The following PTCHD4 variants were observed in gnomAD, a reference collection of about 807,000 sequenced individuals.
PTCHD4 encodes the protein patched domain-containing protein 4.
PTCHD4 carries 33 observed loss-of-function variants against 58.1 expected under a neutral mutation model. The ratio of observed to expected loss-of-function variants is 0.57; its 90% confidence interval spans 0.43 to 0.76. The LOEUF (loss-of-function observed/expected upper bound fraction) is 0.76. PTCHD4 is among the 30% of genes least tolerant of loss of function. The probability of loss-of-function intolerance (pLI) is 0.00; values close to 1 mark genes in which losing one functional copy is unlikely to be tolerated. For missense variants in PTCHD4, 1,058 were observed against 1,027.1 expected (o/e 1.03, Z -0.41); for synonymous variants, 478 against 409.6 (o/e 1.17, Z -2.02).
intron 4 of PTCHD4, chr6:47,899,937 A>G (rs1345640473): frequency 6.6e-6 from 1 of 152,216 alleles, no homozygotes; most frequent in South Asian, 2.1e-4. Context: ...TTCAATGCTC[A>G]TCCATATTGG....
intron 4 of PTCHD4, among the ~76,000 whole-genome samples, chr6:47,885,857 C>T (rs1764175747): frequency 1.3e-5 from 2 of 152,062 alleles, no homozygotes; most frequent in South Asian, 2.1e-4. Flanking sequence ...CTCACTCTTT[C>T]ACCCAGGCCA....
chr6:47,965,676 T>C (rs549110935), intron 4 of PTCHD4, among the ~76,000 whole-genome samples: 33 of 152,208 alleles, frequency 2.2e-4, no homozygotes, highest in South Asian at 2.1e-4. Flanking sequence ...CACCTGTAAT[T>C]CCAGCACTTT....
chr6:48,034,185 A>T (rs1215288839), intron 3 of PTCHD4, among the ~76,000 whole-genome samples: 1 of 152,136 alleles, frequency 6.6e-6, no homozygotes. Flanking sequence ...GTTTGGGTAT[A>T]CTGTAAGCTT....
At chr6:47,903,132 T>C (rs910255336) in intron 4 of PTCHD4, among the ~76,000 whole-genome samples, 1 of 152,212 alleles carries the variant, frequency 6.6e-6, no homozygotes, top group Non-Finnish European at 1.5e-5. Flanking sequence ...CTCTGAAGTA[T>C]TCTTAATTTG....
At chr6:48,062,724 T>G (rs989373662) in intron 3 of PTCHD4, among the ~76,000 whole-genome samples, 3 of 152,134 alleles carry the variant, frequency 2.0e-5, no homozygotes, top group Non-Finnish European at 4.4e-5. Flanking sequence ...GATCAAAGTC[T>G]TTCAGTAGCA....
Position 48,068,442 on chromosome 6 carries a change from G to C in PTCHD4, c.205C>G (p.Arg69Gly), listed in dbSNP as rs754365576. 4 of 1,613,850 alleles carry C rather than the reference G, an allele frequency of 2.5e-6. No individual in the cohort carries two copies. In the South Asian group the frequency reaches 3.3e-5, roughly 13 times the overall value. Residue 69 changes from arginine (R) to glycine (G), a missense_variant, in exon 3 of 5, where the codon CGC becomes GGC. Coordinates refer to ENST00000339488, the MANE Select transcript of PTCHD4 (RefSeq NM_001384253.1). This position sits in a 1 kb window ranked among gnomAD's most constrained non-coding sequence, Gnocchi z 4.2. ...NRFQPEGDLE[R>G]LVAPSHSLAK... is the part of the protein sequence containing the mutation. ...AGGCTGTGGCTGGGAGCGACCAGGC[G>C]CTCCAGGTCGCCCTCGGGCTGGAAG...
intron 3 of PTCHD4, among the ~76,000 whole-genome samples, chr6:48,063,317 C>G (rs563192400): frequency 6.6e-6 from 1 of 152,308 alleles, no homozygotes; most frequent in Admixed American, 6.5e-5. Context: ...AGAAGCTTCA[C>G]TCTGTGTCAC....
At chr6:48,059,215 A>T (rs889416539) in intron 3 of PTCHD4, among the ~76,000 whole-genome samples, 19 of 152,198 alleles carry the variant, frequency 1.2e-4, no homozygotes, top group Non-Finnish European at 2.4e-4. Context: ...CTACTGAAGA[A>T]GAATCTGCAT....
Position 47,873,310 on chromosome 6 carries a change from T to C in PTCHD4, c.*4993A>G, listed in dbSNP as rs1388966705. 6.6e-6 allele frequency among the ~76,000 whole-genome samples: 1 copy of C among 151,766 alleles called. No individual in the cohort carries two copies. The highest frequency in any genetic ancestry group is 1.5e-5 in the Non-Finnish European group (1 of 67,792). ...GAATATGTGGTATTATTCCACTTGTTCTATCACACCTACTTACAGACATCT... is the reference window on the plus strand; with the variant it reads ...GAATATGTGGTATTATTCCACTTGTCCTATCACACCTACTTACAGACATCT... On this transcript the variant is annotated 3_prime_UTR_variant, in exon 5 of 5. Coordinates refer to ENST00000339488, the MANE Select transcript of PTCHD4 (RefSeq NM_001384253.1).
At chr6:47,988,399 T>C (rs1768158554) in intron 4 of PTCHD4, among the ~76,000 whole-genome samples, 2 of 152,232 alleles carry the variant, frequency 1.3e-5, no homozygotes, top group East Asian at 1.9e-4. Flanking sequence ...AACAGGGTGA[T>C]TGAGTCAAGA....
intron 4 of PTCHD4, among the ~76,000 whole-genome samples, chr6:48,004,374 C>T (rs1326919965): frequency 6.6e-6 from 1 of 152,096 alleles, no homozygotes; most frequent in Admixed American, 6.6e-5. Context: ...TGATCCGAGG[C>T]TACTACTGTT....
At position 48,105,698 on chromosome 6, in the gene PTCHD4, G is replaced by A. The variant is rs527942096; in HGVS notation, c.-970+5351C>T. On this transcript the variant is annotated intron_variant, in intron 1 of 4. Coordinates refer to ENST00000339488, the MANE Select transcript of PTCHD4 (RefSeq NM_001384253.1). The stretch of plus-strand genomic sequence containing the variant: ...AGAAGATCAACAAAATTGATAGACC[G>A]CTAGCAAGACTAATAAAGAAGAAAA... 2.1e-3 allele frequency among the ~76,000 whole-genome samples: 327 copies of A among 152,128 alleles called. 1 individual carries two copies. The highest frequency in any genetic ancestry group is 6.6e-3 in the African/African-American group (275 of 41,516).
Position 48,009,085 on chromosome 6 carries a change from T to C in PTCHD4, c.447A>G (p.Gln149=), listed in dbSNP as rs772443402. 5 of 1,612,738 alleles carry C rather than the reference T, an allele frequency of 3.1e-6. No homozygotes were observed. Among genetic ancestry groups the C allele is most frequent in the Non-Finnish European group, 3.4e-6 (4 of 1,179,318 alleles). ...TTGGCACTTCCACTACCCCGCCCAG[T>C]TGGTGTCCAATAAAACTGTTCCTCC... The part of the protein sequence containing the change: ...KDGRNSFIGH[Q]LGGVVEVPNS... The change falls in exon 4 of 5, where the codon CAA becomes CAG. Residue 149 remains glutamine (Q), a synonymous_variant. Coordinates refer to ENST00000339488, the MANE Select transcript of PTCHD4 (RefSeq NM_001384253.1).
chr6:48,078,041 GA>G (rs1012661907), intron 1 of PTCHD4, among the ~76,000 whole-genome samples: 10 of 151,876 alleles, frequency 6.6e-5, no homozygotes, highest in South Asian at 2.1e-4. Flanking sequence ...GTTTGTAGGA[GA>G]AAAAAAACAC....
intron 4 of PTCHD4, among the ~76,000 whole-genome samples, chr6:47,881,569 C>T (rs1764022731): frequency 6.6e-6 from 1 of 152,172 alleles, no homozygotes; most frequent in African/African-American, 2.4e-5. Context: ...GTAGGTAACG[C>T]TGTTACTTGC....
Position 47,957,855 on chromosome 6 carries a change from C to T in PTCHD4, c.898+50779G>A, listed in dbSNP as rs1000572680. Among the ~76,000 whole-genome samples the T allele has an allele frequency of 3.9e-5, 6 of 152,194 alleles. No homozygotes were observed. In the South Asian group the frequency reaches 8.3e-4, roughly 21 times the overall value. On this transcript the variant is annotated intron_variant, in intron 4 of 4. Transcript: ENST00000339488. ...ACCTTACCTCGTGATCTGCCCACCT[C>T]GGCCTCCCAAAGTGCTGGGATTACA... is the stretch of plus-strand genomic sequence containing the variant.
chr6:47,901,806 A>G (rs1310294991), intron 4 of PTCHD4: 2 of 1,277,516 alleles, frequency 1.6e-6, no homozygotes, highest in Non-Finnish European at 2.0e-6. Flanking sequence ...ATTGTATCCT[A>G]GGAGTCTTCA....
intron 3 of PTCHD4, among the ~76,000 whole-genome samples, chr6:48,045,949 A>T (rs776344004): frequency 7.9e-5 from 12 of 151,798 alleles, no homozygotes; most frequent in Admixed American, 5.3e-4. Context: ...TTTAAAATCC[A>T]TATCAAGAAT....
intron 1 of PTCHD4, among the ~76,000 whole-genome samples, chr6:48,074,792 C>A (rs531469925): frequency 2.4e-4 from 36 of 152,278 alleles, no homozygotes; most frequent in Non-Finnish European, 4.6e-4. Context: ...CTGTATGAAG[C>A]AAATTTGCTT....
Sources: gnomAD v4.1 joint callset for allele counts (sites outside exome capture counted in the v4.1 genomes callset) on GRCh38, gnomAD v4.1.1 for gene constraint, Gnocchi (gnomAD v3.1) non-coding constraint, MANE v1.5 for transcripts, NCBI Gene and HGNC (gene_info 2026-07-23, HGNC 2026-07-21) for gene names.